The following NLRP5 variants were observed in gnomAD, a reference collection of about 807,000 sequenced individuals.
NLRP5 encodes the protein NLR family pyrin domain containing 5.
Under a neutral mutation model 113.1 loss-of-function variants are expected in NLRP5, and 93 were observed. The ratio of observed to expected loss-of-function variants is 0.82; its 90% confidence interval spans 0.70 to 0.98. The LOEUF (loss-of-function observed/expected upper bound fraction) is 0.98, where lower values mean the gene tolerates loss of function less well. NLRP5 is among the 50% of genes least tolerant of loss of function. The probability of loss-of-function intolerance (pLI) is 0.00; values close to 1 mark genes in which losing one functional copy is unlikely to be tolerated. For missense variants in NLRP5, 1,808 were observed against 1,514.3 expected, an observed-to-expected ratio of 1.19 and a Z score of -3.22; for synonymous variants, 751 against 600.7, an observed-to-expected ratio of 1.25 and a Z score of -3.66.
At position 56,006,520 on chromosome 19, in the gene NLRP5, T is replaced by G. The variant is rs530917575; in HGVS notation, c.443-2268T>G. Among the ~76,000 whole-genome samples, 113 of 151,832 alleles carry G rather than the reference T, an allele frequency of 7.4e-4. 1 individual carries two copies. In the Middle Eastern group the frequency reaches 0.01, roughly 14 times the overall value. On this transcript the variant is annotated intron_variant, in intron 2 of 14. Transcript: ENST00000390649. ...GCCAAGGTGGGTGGATCATTTGAGG[T>G]CAGGAGTTTGAGACCAGCCTGGCCA...
Position 56,027,986 on chromosome 19 carries a change from C to A in NLRP5, c.1753C>A (p.Leu585Ile). The A allele has an allele frequency of 6.2e-7, 1 of 1,614,014 alleles. No homozygotes were observed. Among genetic ancestry groups the A allele is most frequent in the Non-Finnish European group, 8.5e-7 (1 of 1,179,884 alleles). ...TGAGGAGTACTACACCTTCTTCCAC[C>A]TCAGTCTCCAGGACTTCTGTGCCGC... Residue 585 changes from leucine to isoleucine, a missense_variant, in exon 7 of 15, where the codon CTC (leucine) becomes ATC (isoleucine). By Grantham distance (5) the Leu-to-Ile change is conservative. Transcript: ENST00000390649.
At chr19:55,990,379 GTTT>G in the NLRP5 span, among the ~76,000 whole-genome samples, 2 of 151,894 alleles carry the variant, frequency 1.3e-5, no homozygotes, top group African/African-American at 4.8e-5. Flanking sequence ...GTCATATGCA[GTTT>G]TTTAACTCTT....
rs1425025895 is a variant in NLRP5, at chr19:56,050,593, G to A, written c.3128+5G>A. The A allele has an allele frequency of 6.2e-6, 10 of 1,612,584 alleles. No homozygotes were observed. Among genetic ancestry groups the A allele is most frequent in the South Asian group, 4.4e-5 (4 of 90,942 alleles). On this transcript the variant is annotated splice_donor_5th_base_variant and intron_variant, in intron 12 of 14. Coordinates refer to ENST00000390649, the MANE Select transcript of NLRP5 (RefSeq NM_153447.4). ...TTGTCATCTCCAGGACCTGGAGTGAGTTTCCCATGGGCGTTGGGTCAACTC... is the reference window on the plus strand; with the variant it reads ...TTGTCATCTCCAGGACCTGGAGTGAATTTCCCATGGGCGTTGGGTCAACTC...
the NLRP5 span, among the ~76,000 whole-genome samples, chr19:55,986,796 G>A: frequency 2.0e-5 from 3 of 152,270 alleles, no homozygotes; most frequent in South Asian, 6.2e-4. Context: ...AGCTGGACCT[G>A]CTCTTGGTGG....
At chr19:55,999,014 A>G (rs144070079), upstream of NLRP5, among the ~76,000 whole-genome samples, 57 of 151,754 alleles carry the variant, frequency 3.8e-4, no homozygotes, top group African/African-American at 1.3e-3. Context: ...TATTAACTCT[A>G]GTTGCCATGC....
chr19:56,051,054 A>G (rs1325380112), intron 12 of NLRP5, among the ~76,000 whole-genome samples: 1 of 152,160 alleles, frequency 6.6e-6, no homozygotes, highest in Non-Finnish European at 1.5e-5. Flanking sequence ...TCTCACAACC[A>G]TGCAGTCATC....
upstream of NLRP5, among the ~76,000 whole-genome samples, chr19:55,998,694 A>ATGTGTGTGTGTGTGTG (rs1555762415): frequency 1.7e-5 from 1 of 58,078 alleles, no homozygotes; most frequent in Non-Finnish European, 3.3e-5. Context: ...ATATATATAT[A>ATGTGTGTGTGTGTGTG]TATATATATG....
upstream of NLRP5, among the ~76,000 whole-genome samples, chr19:55,998,668 G>GTGTGTC (rs1981428690): frequency 1.4e-5 from 1 of 71,086 alleles, no homozygotes; most frequent in African/African-American, 5.5e-5. Context: ...ATGTGTGTGT[G>GTGTGTC]TGTGTATATA....
At chr19:56,049,055 C>G (rs1219433751) in intron 11 of NLRP5, among the ~76,000 whole-genome samples, 1 of 144,744 alleles carries the variant, frequency 6.9e-6, no homozygotes, top group East Asian at 2.0e-4. Flanking sequence ...AATCTCGGCT[C>G]ACTGCAACCT....
At chr19:56,022,986 A>G (rs1207645641) in intron 6 of NLRP5, among the ~76,000 whole-genome samples, 1 of 152,138 alleles carries the variant, frequency 6.6e-6, no homozygotes, top group Non-Finnish European at 1.5e-5. Flanking sequence ...TCGGCCTCCC[A>G]AAGTGCTGGG....
chr19:56,003,955 T>C lies in NLRP5; in HGVS notation c.302T>C (p.Ile101Thr), dbSNP rs775402782. 2 of 1,613,842 alleles carry C rather than the reference T, an allele frequency of 1.2e-6. No individual in the cohort carries two copies. ...ACATGCTCTATTCCACAGTTTGAAA[T>C]CGAGAATGCCAACGTGGAATGTCTG... is the stretch of plus-strand genomic sequence containing the variant. The change falls in exon 2 of 15, where the codon ATC (isoleucine) becomes ACC (threonine). Residue 101 changes from isoleucine to threonine, a missense_variant. Physicochemically the swap from Ile to Thr is moderately conservative, Grantham distance 89 (BLOSUM62 -1). Transcript: ENST00000390649.
At position 56,055,533 on chromosome 19, in the gene NLRP5, C is replaced by CTTTTTTTTTTT. The variant is rs1491011983; in HGVS notation, c.3299+1726_3299+1727insTTTTTTTTTTT. The stretch of plus-strand genomic sequence containing the variant: ...AGCTCCATGTTCTATTTTTCTTTCT[C>CTTTTTTTTTTT]TGTCTTTTTTTTTTTTTTTTTTTTT... On this transcript the variant is annotated intron_variant, in intron 13 of 14. Transcript: ENST00000390649. Among the ~76,000 whole-genome samples, 177 of 99,484 alleles carry CTTTTTTTTTTT rather than the reference C, an allele frequency of 1.8e-3. 17 individuals are homozygous for CTTTTTTTTTTT. The highest frequency in any genetic ancestry group is 2.6e-3 in the Non-Finnish European group (125 of 48,214). 65.3% of individuals were successfully genotyped at this position (99,484 alleles called of 152,430 possible).
rs1185956603 is a variant in NLRP5, at chr19:56,061,616, C to G, written c.*88C>G. 1.4e-6 allele frequency: 2 copies of G among 1,394,060 alleles called. No homozygotes were observed. The highest frequency in any genetic ancestry group is 1.4e-5 in the African/African-American group (1 of 70,068). The allele number at this position is 1,394,060 out of a possible 1,614,324, so 86.4% of individuals were successfully genotyped here. ...AGAGCAAGCTATGCACCTGGGAGTTCCTTCTCAAAGATGGAGAATGATTTC... is the reference window on the plus strand; with the variant it reads ...AGAGCAAGCTATGCACCTGGGAGTTGCTTCTCAAAGATGGAGAATGATTTC... On this transcript the variant is annotated 3_prime_UTR_variant, in exon 15 of 15. Transcript: ENST00000390649.
At chr19:56,004,184 C>T (rs528182358) in intron 2 of NLRP5, 89 bp downstream of exon 2, 52 of 1,361,374 alleles carry the variant, frequency 3.8e-5, no homozygotes, top group African/African-American at 3.8e-4. Flanking sequence ...GTTCAGTAAC[C>T]GGCTCCACCT....
At chr19:56,058,797 T>C (rs1057239670) in intron 14 of NLRP5, among the ~76,000 whole-genome samples, 14 of 152,160 alleles carry the variant, frequency 9.2e-5, no homozygotes, top group African/African-American at 3.4e-4. Context: ...TAATGCACAA[T>C]AATAGCCAAG....
At chr19:56,050,688 C>T (rs1055879490) in intron 12 of NLRP5, 100 bp downstream of exon 12, 53 of 1,152,264 alleles carry the variant, frequency 4.6e-5, no homozygotes, top group Middle Eastern at 4.3e-4. Flanking sequence ...CCAAAAACTG[C>T]TTTCAGGGTG....
chr19:56,046,096 T>C (rs1027298491), intron 11 of NLRP5, among the ~76,000 whole-genome samples: 5 of 152,224 alleles, frequency 3.3e-5, no homozygotes, highest in African/African-American at 1.2e-4. Flanking sequence ...GGGTTTGTCA[T>C]AGATAGCTTT....
intron 9 of NLRP5, among the ~76,000 whole-genome samples, 200 bp from the exon 10 acceptor site, chr19:56,037,825 C>T (rs774094555): frequency 1.3e-5 from 2 of 151,822 alleles, no homozygotes; most frequent in Admixed American, 6.6e-5. Context: ...CATGAAAGGA[C>T]GTGAACCCCA....
chr19:56,006,874 A>G lies in NLRP5; in HGVS notation c.443-1914A>G, dbSNP rs56214341. Among the ~76,000 whole-genome samples, 792 of 151,500 alleles carry G rather than the reference A, an allele frequency of 5.2e-3. 6 individuals are homozygous for G. Among genetic ancestry groups the G allele is most frequent in the Non-Finnish European group, 8.9e-3 (601 of 67,800 alleles). On this transcript the variant is annotated intron_variant, in intron 2 of 14. Coordinates refer to ENST00000390649, the MANE Select transcript of NLRP5 (RefSeq NM_153447.4). ...CCTGCTTCAGCCTCCTGAGTAGCTG[A>G]GACTACAGGTGCCCGCCAGCACTCC... is the stretch of plus-strand genomic sequence containing the variant.
Sources: gnomAD v4.1 joint callset for allele counts (sites outside exome capture counted in the v4.1 genomes callset) on GRCh38, gnomAD v4.1.1 for gene constraint, MANE v1.5 for transcripts, NCBI Gene and HGNC (gene_info 2026-07-23, HGNC 2026-07-21) for gene names.